The following CSMD1 variants were observed in gnomAD, a reference collection of about 807,000 sequenced individuals.
The protein encoded by CSMD1 is CUB and sushi domain-containing protein 1.
Under a neutral mutation model 417.5 loss-of-function variants are expected in CSMD1, and 213 were observed. That is an observed-to-expected ratio of 0.51 (90% confidence interval 0.46 to 0.57). The LOEUF (loss-of-function observed/expected upper bound fraction) is 0.57, where lower values mean the gene tolerates loss of function less well. Among genes scored for constraint, CSMD1 ranks in the 20% least tolerant of loss-of-function variants. The pLI is 0.00. For missense variants in CSMD1, 6,923 were observed against 4,529.7 expected (o/e 1.53, Z -15.17); for synonymous variants, 2,862 against 1,736.8 (o/e 1.65, Z -16.11).
chr8:3,966,648 G>A (rs1052187115), intron 5 of CSMD1, among the ~76,000 whole-genome samples: 10 of 151,864 alleles, frequency 6.6e-5, no homozygotes, highest in African/African-American at 2.2e-4. Flanking sequence ...GGTCTTTGAG[G>A]GCAAAGACCA....
rs1420336110 is a variant in CSMD1, at chr8:3,367,216, A to G, written c.2931T>C (p.Leu977=). The change falls in exon 20 of 70, where the codon CTT becomes CTC. Residue 977 remains leucine (L), a synonymous_variant. Coordinates refer to ENST00000635120, the MANE Select transcript of CSMD1 (RefSeq NM_033225.6). ...TCAGTAAATAGTCGTGGGAACTCTCAAGATGAAAGGTGTGAAAGATCATTT... is the reference window on the plus strand; with the variant it reads ...TCAGTAAATAGTCGTGGGAACTCTCGAGATGAAAGGTGTGAAAGATCATTT... ...GVQMIFHTFH[L]ESSHDYLLIT... is the part of the protein sequence containing the mutation. The G allele has an allele frequency of 2.5e-6, 4 of 1,612,800 alleles. No individual in the cohort carries two copies. The South Asian group carries it at 4.4e-5, about 18-fold the overall frequency.
chr8:4,630,735 A>G (rs1189530921), intron 2 of CSMD1, among the ~76,000 whole-genome samples: 7 of 152,142 alleles, frequency 4.6e-5, no homozygotes, highest in Non-Finnish European at 8.8e-5. Flanking sequence ...CTAAGGTACA[A>G]TAACCTGTTG....
intron 3 of CSMD1, among the ~76,000 whole-genome samples, chr8:4,172,931 C>T (rs1331895760): frequency 1.3e-5 from 2 of 152,150 alleles, no homozygotes; most frequent in Admixed American, 1.3e-4. Context: ...TTAACAGCAA[C>T]TTACAGAAAA....
chr8:3,993,199 ACT>A (rs1398263953), intron 5 of CSMD1, among the ~76,000 whole-genome samples: 1 of 152,184 alleles, frequency 6.6e-6, no homozygotes, highest in Non-Finnish European at 1.5e-5. Context: ...ATATACAGCA[ACT>A]CTCTGTGTTA....
intron 5 of CSMD1, among the ~76,000 whole-genome samples, chr8:3,879,925 G>C (rs1290970698): frequency 2.6e-5 from 4 of 152,026 alleles, no homozygotes; most frequent in Non-Finnish European, 5.9e-5. Flanking sequence ...ATAGTGCTTG[G>C]TATGTGATAC....
chr8:3,070,448 C>T (rs1460324735), intron 49 of CSMD1, among the ~76,000 whole-genome samples: 1 of 152,184 alleles, frequency 6.6e-6, no homozygotes, highest in Non-Finnish European at 1.5e-5. Flanking sequence ...AGCAGCCAGG[C>T]CACATCTTGA....
chr8:4,541,614 G>A lies in CSMD1; in HGVS notation c.302+95728C>T, dbSNP rs1333177882. Among the ~76,000 whole-genome samples the A allele has an allele frequency of 3.3e-5, 5 of 152,032 alleles. No individual in the cohort carries two copies. In the East Asian group the frequency reaches 9.7e-4, roughly 29 times the overall value. On this transcript the variant is annotated intron_variant, in intron 2 of 69. Transcript: ENST00000635120. ...AATGCAAAAATTAGCCGGGCATGGT[G>A]GCAAGCACCTGTAATCCCAACTACT...
chr8:4,298,997 T>C (rs1365727952), intron 3 of CSMD1, among the ~76,000 whole-genome samples: 1 of 152,066 alleles, frequency 6.6e-6, no homozygotes, highest in Admixed American at 6.6e-5. Flanking sequence ...GCAGATCTAC[T>C]GATGTTAAAT....
chr8:3,971,728 G>C (rs759587416), intron 5 of CSMD1, among the ~76,000 whole-genome samples: 2 of 152,132 alleles, frequency 1.3e-5, no homozygotes, highest in African/African-American at 2.4e-5. Context: ...GTTTCTCGTA[G>C]ACCACCAAGG....
At chr8:3,808,550 CTCTT>C (rs1414767531) in intron 5 of CSMD1, among the ~76,000 whole-genome samples, 2 of 152,200 alleles carry the variant, frequency 1.3e-5, no homozygotes, top group African/African-American at 4.8e-5. Flanking sequence ...AAGTCTGTCT[CTCTT>C]TATGATATGG....
intron 4 of CSMD1, among the ~76,000 whole-genome samples, chr8:4,029,270 G>C (rs965015561): frequency 1.3e-5 from 2 of 152,162 alleles, no homozygotes; most frequent in Admixed American, 6.5e-5. Flanking sequence ...ATATTTGGGG[G>C]ATATAATAAC....
intron 26 of CSMD1, among the ~76,000 whole-genome samples, chr8:3,249,229 C>CTGT (rs1392758592): frequency 1.3e-5 from 2 of 152,026 alleles, no homozygotes; most frequent in African/African-American, 4.8e-5. Flanking sequence ...GCTGCTGCTG[C>CTGT]TGTTGTTATT....
chr8:3,545,067 AC>A (rs1221402813), intron 10 of CSMD1, among the ~76,000 whole-genome samples: 3 of 152,288 alleles, frequency 2.0e-5, no homozygotes, highest in Middle Eastern at 3.4e-3. Flanking sequence ...CTGAATACAA[AC>A]TTTTCCATGA....
chr8:4,269,937 A>G (rs996940632), intron 3 of CSMD1, among the ~76,000 whole-genome samples: 2 of 152,184 alleles, frequency 1.3e-5, no homozygotes, highest in African/African-American at 4.8e-5. Flanking sequence ...TCAAGCCAAC[A>G]GTTGGGGGAA....
chr8:4,449,276 C>G (rs1036637287), intron 2 of CSMD1, among the ~76,000 whole-genome samples: 3 of 152,152 alleles, frequency 2.0e-5, no homozygotes, highest in African/African-American at 7.2e-5. Flanking sequence ...TGAAAGGAAA[C>G]TCAGAAATGT....
intron 1 of CSMD1, among the ~76,000 whole-genome samples, chr8:4,958,473 T>C (rs1159982085): frequency 1.3e-5 from 2 of 152,184 alleles, no homozygotes; most frequent in Non-Finnish European, 2.9e-5. Context: ...GCAATATATA[T>C]TGAAGATATT....
At chr8:4,582,794 A>G (rs965111543) in intron 2 of CSMD1, among the ~76,000 whole-genome samples, 2 of 152,164 alleles carry the variant, frequency 1.3e-5, no homozygotes, top group Non-Finnish European at 2.9e-5. Flanking sequence ...CCAAGGCCGG[A>G]GCCCACTCCC....
chr8:4,186,743 T>C (rs992283767), intron 3 of CSMD1, among the ~76,000 whole-genome samples: 4 of 151,858 alleles, frequency 2.6e-5, no homozygotes, highest in African/African-American at 4.8e-5. Context: ...TCCCAGCAAT[T>C]TGGGAAGCTG....
At chr8:4,332,163 G>A (rs1799902836) in intron 3 of CSMD1, among the ~76,000 whole-genome samples, 1 of 152,098 alleles carries the variant, frequency 6.6e-6, no homozygotes. Context: ...AGGTCATGGA[G>A]CAAACACAAC....
Sources: gnomAD v4.1 joint callset for allele counts (sites outside exome capture counted in the v4.1 genomes callset) on GRCh38, gnomAD v4.1.1 for gene constraint, MANE v1.5 for transcripts, NCBI Gene and HGNC (gene_info 2026-07-23, HGNC 2026-07-21) for gene names.